Variants in NELL1 observed in about 807,000 individuals in gnomAD.
The protein encoded by NELL1 is neural EGFL like 1, also known as protein kinase C-binding protein NELL1.
NELL1 carries 76 observed loss-of-function variants against 107.4 expected under a neutral mutation model. The ratio of observed to expected loss-of-function variants is 0.71; its 90% confidence interval spans 0.59 to 0.86. The LOEUF is 0.86. Ranked by LOEUF, NELL1 falls within the 40% of genes least tolerant of loss-of-function variation. The pLI is 0.00. For synonymous variants in NELL1, 353 were observed against 341.2 expected (o/e 1.03, Z -0.38); for missense variants, 1,024 against 1,005.5 (o/e 1.02, Z -0.25).
chr11:20,738,055 A>G (rs975632985), intron 2 of NELL1, among the ~76,000 whole-genome samples: 5 of 56,600 alleles, frequency 8.8e-5, no homozygotes, highest in Non-Finnish European at 1.6e-4. Context: ...GTAGTGAAAA[A>G]CACCCAGAAT....
chr11:20,750,158 T>C (rs962887622), intron 2 of NELL1, among the ~76,000 whole-genome samples: 8 of 152,320 alleles, frequency 5.3e-5, no homozygotes, highest in African/African-American at 1.9e-4. Context: ...TATCTCTTTG[T>C]GGTTTAAATT....
chr11:20,993,386 C>T (rs1041521974), intron 12 of NELL1, among the ~76,000 whole-genome samples: 5 of 152,128 alleles, frequency 3.3e-5, no homozygotes, highest in African/African-American at 1.2e-4. Context: ...CAGAAATGGG[C>T]TGTGGTAAAT....
chr11:21,367,348 T>A (rs4475916), intron 14 of NELL1, among the ~76,000 whole-genome samples: 137,637 of 151,812 alleles, frequency 0.91, 62,490 homozygotes, highest in Non-Finnish European at 0.91. Flanking sequence ...GTTGAAGAAG[T>A]ACCAACATAT....
At chr11:21,428,120 G>A (rs1370074118) in intron 15 of NELL1, among the ~76,000 whole-genome samples, 4 of 152,168 alleles carry the variant, frequency 2.6e-5, no homozygotes, top group Admixed American at 6.5e-5. Flanking sequence ...AACACGTAGG[G>A]AATGTCAATC....
chr11:20,922,674 C>T (rs535028760), intron 7 of NELL1, among the ~76,000 whole-genome samples: 12 of 151,790 alleles, frequency 7.9e-5, no homozygotes, highest in Non-Finnish European at 1.5e-4. Flanking sequence ...CCAGCAGTTC[C>T]GATTAAGATG....
chr11:20,983,071 G>A (rs1220263279), intron 12 of NELL1, among the ~76,000 whole-genome samples: 1 of 152,134 alleles, frequency 6.6e-6, no homozygotes, highest in Non-Finnish European at 1.5e-5. Context: ...TCCAATCTTG[G>A]TTTGGCTCCT....
chr11:21,483,136 G>A (rs927289470), intron 15 of NELL1, among the ~76,000 whole-genome samples: 16 of 152,060 alleles, frequency 1.1e-4, no homozygotes, highest in Admixed American at 2.0e-4. Context: ...AATTCCAACA[G>A]GTACTTATAG....
intron 13 of NELL1, among the ~76,000 whole-genome samples, chr11:21,226,373 C>T (rs1857893224): frequency 6.6e-6 from 1 of 152,164 alleles, no homozygotes; most frequent in Admixed American, 6.5e-5. Flanking sequence ...TCCAAATTAA[C>T]TTGCAACTGC....
chr11:21,124,695 G>A (rs917106234), intron 13 of NELL1, among the ~76,000 whole-genome samples: 48 of 151,276 alleles, frequency 3.2e-4, no homozygotes, highest in African/African-American at 1.0e-3. Context: ...TCCACCTTCC[G>A]GGTTCAAGCG....
rs144967161 is a variant in NELL1, at chr11:21,224,067, G to C, written c.1427-5265G>C. ...GGCATATCCTTATATGTGATTTGAT[G>C]TTTTCCTCTCAGTTTTTAGCATTCC... is the stretch of plus-strand genomic sequence containing the variant. On this transcript the variant is annotated intron_variant, in intron 13 of 19. Coordinates refer to ENST00000357134, the MANE Select transcript of NELL1 (RefSeq NM_006157.5). Among the ~76,000 whole-genome samples, 97 of 152,142 alleles carry C rather than the reference G, an allele frequency of 6.4e-4. 2 individuals carry two copies. In the East Asian group the frequency reaches 0.018, roughly 28 times the overall value.
intron 13 of NELL1, among the ~76,000 whole-genome samples, chr11:21,155,548 A>G (rs2133792287): frequency 6.6e-6 from 1 of 152,278 alleles, no homozygotes; most frequent in Admixed American, 6.5e-5. Flanking sequence ...CTTGAAATGA[A>G]GGAGACAAGT....
At chr11:21,393,872 A>T (rs1430775376) in intron 15 of NELL1, among the ~76,000 whole-genome samples, 11 of 151,610 alleles carry the variant, frequency 7.3e-5, no homozygotes, top group Non-Finnish European at 1.0e-4. Context: ...GTACTTTTAT[A>T]TCCTTTTCTG....
intron 13 of NELL1, among the ~76,000 whole-genome samples, chr11:21,181,098 A>G (rs898072002): frequency 6.6e-6 from 1 of 151,882 alleles, no homozygotes; most frequent in African/African-American, 2.4e-5. Flanking sequence ...AAGGTAACAT[A>G]GCAGGAGCTA....
At chr11:21,569,031 G>A (rs1266027372) in intron 17 of NELL1, among the ~76,000 whole-genome samples, 1 of 151,742 alleles carries the variant, frequency 6.6e-6, no homozygotes, top group Non-Finnish European at 1.5e-5. Context: ...TGGCAGCTCA[G>A]TAGGCTTGTT....
chr11:20,765,982 G>C (rs1344185725), intron 2 of NELL1, among the ~76,000 whole-genome samples: 1 of 152,114 alleles, frequency 6.6e-6, no homozygotes, highest in South Asian at 2.1e-4. Context: ...TATTTTAGGA[G>C]GATTGGATTT....
chr11:20,711,035 C>T (rs1052403261), intron 2 of NELL1, among the ~76,000 whole-genome samples: 1 of 151,654 alleles, frequency 6.6e-6, no homozygotes, highest in South Asian at 2.1e-4. Flanking sequence ...TAGTTCTACT[C>T]TGATCTTTGT....
intron 13 of NELL1, among the ~76,000 whole-genome samples, chr11:21,173,998 A>C (rs1856660700): frequency 1.3e-5 from 2 of 151,842 alleles, no homozygotes; most frequent in African/African-American, 4.9e-5. Flanking sequence ...CTTACAAACA[A>C]TTCCAGTAGC....
At chr11:20,684,322 C>G (rs1394777336) in intron 2 of NELL1, among the ~76,000 whole-genome samples, 1 of 151,840 alleles carries the variant, frequency 6.6e-6, no homozygotes, top group African/African-American at 2.4e-5. Flanking sequence ...TTTTTTCTCT[C>G]TGTGTATAAT....
chr11:21,107,897 G>A (rs759152505), intron 12 of NELL1, among the ~76,000 whole-genome samples: 1 of 152,156 alleles, frequency 6.6e-6, no homozygotes, highest in Non-Finnish European at 1.5e-5. Context: ...AATAGAACTT[G>A]ACTCTTAACT....
Sources: gnomAD v4.1 joint callset for allele counts (sites outside exome capture counted in the v4.1 genomes callset) on GRCh38, gnomAD v4.1.1 for gene constraint, MANE v1.5 for transcripts, NCBI Gene and HGNC (gene_info 2026-07-23, HGNC 2026-07-21) for gene names.